PMEL: variants seen among roughly 807,000 people sequenced by gnomAD.
The protein encoded by PMEL is premelanosome protein.
PMEL carries 53 observed loss-of-function variants against 64.9 expected under a neutral mutation model. That is an observed-to-expected ratio of 0.82 (90% CI 0.66 to 1.03). PMEL has a LOEUF of 1.03. Ranked by LOEUF, PMEL falls within the 50% of genes least tolerant of loss-of-function variation. PMEL has a pLI of 0.00. For synonymous variants in PMEL, 299 were observed against 316.2 expected (o/e 0.95, Z 0.58); for missense variants, 716 against 814.9 (o/e 0.88, Z 1.48).
At chr12:55,958,953 A>AT (rs1396013201) in intron 3 of PMEL, among the ~76,000 whole-genome samples, 1 of 149,958 alleles carries the variant, frequency 6.7e-6, no homozygotes, top group African/African-American at 2.5e-5. Context: ...AGCTAATTTT[A>AT]TTTTTTTGTA....
intron 4 of PMEL, 115 bp from the exon 5 acceptor site, chr12:55,958,199 A>G: frequency 8.8e-7 from 1 of 1,138,990 alleles, no homozygotes; most frequent in South Asian, 1.5e-5. Flanking sequence ...ATTACTTCTG[A>G]GGGTGTTTGG....
chr12:55,959,442 T>C (rs1163512289), intron 3 of PMEL, among the ~76,000 whole-genome samples: 1 of 151,452 alleles, frequency 6.6e-6, no homozygotes, highest in Admixed American at 6.6e-5. Context: ...AAAGAAGATA[T>C]ATGTATATAT....
chr12:55,958,213 G>C, intron 4 of PMEL, 129 bp from the exon 5 acceptor site: 2 of 1,005,914 alleles, frequency 2.0e-6, no homozygotes, highest in Non-Finnish European at 2.9e-6. Flanking sequence ...TGTTTGGAAG[G>C]CTGTGATATG....
At chr12:55,964,417 C>T (rs1889211260) in intron 1 of PMEL, among the ~76,000 whole-genome samples, 2 of 152,052 alleles carry the variant, frequency 1.3e-5, no homozygotes, top group East Asian at 1.9e-4. Context: ...GCCTTGGTCT[C>T]GCAAAGTGCT....
chr12:55,956,302 T>A (rs1213694490), intron 6 of PMEL, 83 bp from the exon 7 acceptor site: 1 of 853,768 alleles, frequency 1.2e-6, no homozygotes, highest in East Asian at 2.4e-5. Context: ...TTTTTTCAGG[T>A]TGAACCAGAG....
At chr12:55,961,147 G>A (rs1889087178) in intron 3 of PMEL, 170 bp downstream of exon 3, 1 of 570,304 alleles carries the variant, frequency 1.8e-6, no homozygotes, top group African/African-American at 1.9e-5. Context: ...AGAGCTTGCA[G>A]TGAGCCGAGA....
At chr12:55,966,685 G>C, upstream of PMEL, 1 of 1,091,032 alleles carries the variant, frequency 9.2e-7, no homozygotes, top group Non-Finnish European at 1.1e-6. Flanking sequence ...TGCCTGGGGC[G>C]GGATCATTTG....
At chr12:55,958,654 T>C in intron 3 of PMEL, 47 bp from the exon 4 acceptor site, 1 of 1,592,862 alleles carries the variant, frequency 6.3e-7, no homozygotes. Context: ...CATTCTTTTT[T>C]GTATATCAAA....
Position 55,961,719 on chromosome 12 carries a change from C to T in PMEL, c.90G>A (p.Gln30=), listed in dbSNP as rs371792496. 183 of 1,613,566 alleles carry T rather than the reference C, an allele frequency of 1.1e-4. No homozygotes were observed. The highest frequency in any genetic ancestry group is 1.4e-4 in the Non-Finnish European group (168 of 1,179,534). Residue 30 remains glutamine (Q), a synonymous_variant, in exon 2 of 11, where the codon CAG becomes CAA. Transcript: ENST00000548747. ...GTTGCCTTGAGACACCAAGCCAGTC[C>T]TGGTTTCTGGGTACTAAAAGGAATG... ...AVGATKVPRN[Q]DWLGVSRQLR...
intron 10 of PMEL, among the ~76,000 whole-genome samples, chr12:55,954,863 C>T (rs1167140652): frequency 6.6e-6 from 1 of 151,854 alleles, no homozygotes; most frequent in Non-Finnish European, 1.5e-5. Flanking sequence ...GAGATTATGC[C>T]ACTATACTCC....
At position 55,961,622 on chromosome 12, in the gene PMEL, C is replaced by G. The variant is rs779443483; in HGVS notation, c.187G>C (p.Gly63Arg). 1 of 1,612,550 alleles carries G rather than the reference C, an allele frequency of 6.2e-7. No homozygotes were observed. The highest frequency in any genetic ancestry group is 1.7e-5 in the Admixed American group (1 of 60,002). Residue 63 changes from glycine (G) to arginine (R), a missense_variant and splice_region_variant, in exon 2 of 11, where the codon GGT becomes CGT. Physicochemically the swap from Gly to Arg is moderately radical, Grantham distance 125 (BLOSUM62 -2). Transcript: ENST00000548747. Reference protein sequence around the residue: ...TEAQRLDCWRGGQVSLKVSND... With the variant: ...TEAQRLDCWRRGQVSLKVSND... ...TCCCCTGGAACTTCCAAGTTCCTAC[C>G]TCTCCAGCAGTCAAGTCTCTGGGCT...
intron 1 of PMEL, among the ~76,000 whole-genome samples, chr12:55,963,612 A>C (rs1889183588): frequency 6.6e-6 from 1 of 152,202 alleles, no homozygotes; most frequent in Non-Finnish European, 1.5e-5. Flanking sequence ...CAGGATCCAA[A>C]ATATAAGTAC....
intron 6 of PMEL, chr12:55,956,499 G>C (rs1888891619): frequency 2.6e-6 from 1 of 390,196 alleles, no homozygotes; most frequent in Non-Finnish European, 4.6e-6. Context: ...TCCTAGGCTA[G>C]ACATTCAACG....
intron 7 of PMEL, 23 bp from the exon 8 acceptor site, chr12:55,955,886 A>G (rs1313125030): frequency 5.0e-6 from 8 of 1,605,844 alleles, no homozygotes; most frequent in Admixed American, 1.7e-5. Flanking sequence ...AAGCTTATCA[A>G]ATTAGGATTC....
chr12:55,962,626 C>T (rs1371336036), intron 1 of PMEL, among the ~76,000 whole-genome samples: 1 of 141,662 alleles, frequency 7.1e-6, no homozygotes, highest in Non-Finnish European at 1.5e-5. Context: ...TGGATTCAAG[C>T]AATTCTCGTT....
At chr12:55,958,914 T>C (rs1888999295) in intron 3 of PMEL, among the ~76,000 whole-genome samples, 1 of 151,962 alleles carries the variant, frequency 6.6e-6, no homozygotes, top group South Asian at 2.1e-4. Context: ...CCCGAGTAGC[T>C]GGGACTACAG....
In PMEL at chr12:55,957,480, C is replaced by A; in HGVS notation, c.823G>T (p.Val275Leu). The A allele has an allele frequency of 2.5e-6, 4 of 1,613,998 alleles. No homozygotes were observed. The highest frequency in any genetic ancestry group is 3.4e-6 in the Non-Finnish European group (4 of 1,179,992). ...GGCTCCAGGTAAGTATGAGTGACCA[C>A]AAGTGCCCGAGAGATCAGGGTTCCA... ...SSGTLISRAL[V>L]VTHTYLEPGP... The change falls in exon 6 of 11, where the codon GTG becomes TTG. Residue 275 changes from valine (V) to leucine (L), a missense_variant. By Grantham distance (32) the Val-to-Leu change is conservative. Transcript: ENST00000548747.
intron 1 of PMEL, among the ~76,000 whole-genome samples, chr12:55,964,706 A>G (rs1479801832): frequency 6.6e-6 from 1 of 150,498 alleles, no homozygotes; most frequent in African/African-American, 2.5e-5. Context: ...GCTCACTGCA[A>G]CCTCTGCCTC....
intron 1 of PMEL, 101 bp from the exon 2 acceptor site, chr12:55,961,833 C>CTT: frequency 4.9e-6 from 3 of 615,758 alleles, no homozygotes; most frequent in South Asian, 4.4e-5. Context: ...ATTCGAAGTG[C>CTT]ATTTTTTTTT....
Sources: allele counts gnomAD v4.1 joint callset (sites outside exome capture counted in the v4.1 genomes callset), GRCh38; gene constraint gnomAD v4.1.1; transcripts MANE v1.5; gene names NCBI Gene and HGNC (gene_info 2026-07-23, HGNC 2026-07-21).